The following COL1A2 variants were observed in gnomAD, a reference collection of about 807,000 sequenced individuals.
COL1A2 encodes the protein collagen alpha-2(I) chain.
COL1A2 carries 49 observed loss-of-function variants against 174.3 expected under a neutral mutation model. That is an observed-to-expected ratio of 0.28 (90% CI 0.22 to 0.36). The LOEUF (loss-of-function observed/expected upper bound fraction) is 0.36. Among genes scored for constraint, COL1A2 ranks in the 10% least tolerant of loss-of-function variants. COL1A2 has a pLI of 1.00. For synonymous variants in COL1A2, 655 were observed against 606.6 expected (o/e 1.08, Z -1.17); for missense variants, 1,438 against 1,822.7 (o/e 0.79, Z 3.84).
Position 94,404,908 on chromosome 7 carries a change from T to C in COL1A2, c.432+16T>C, listed in dbSNP as rs1157292605. The C allele has an allele frequency of 6.2e-7, 1 of 1,613,722 alleles. No homozygotes were observed. Among genetic ancestry groups the C allele is most frequent in the South Asian group, 1.1e-5 (1 of 91,074 alleles). Reference sequence around the variant, plus strand: ...TGGTGAAGATGTAAGTATTTACTCTTAAGCACTTTCAAAATGCTATTTAAA... The same window carrying C: ...TGGTGAAGATGTAAGTATTTACTCTCAAGCACTTTCAAAATGCTATTTAAA... On this transcript the variant is annotated intron_variant, in intron 9 of 51. Transcript: ENST00000297268.
chr7:94,421,076 A>G lies in COL1A2; in HGVS notation c.2349+14A>G, dbSNP rs747618970. 1 of 1,613,864 alleles carries G rather than the reference A, an allele frequency of 6.2e-7. No individual in the cohort carries two copies. On this transcript the variant is annotated intron_variant, in intron 38 of 51. Coordinates refer to ENST00000297268, the MANE Select transcript of COL1A2 (RefSeq NM_000089.4). Reference sequence around the variant, plus strand: ...GGAGGCCCCCCTGTGAGTATTTACAATGGACTCTCGCCGCTTTTCTTTTTT... The same window carrying G: ...GGAGGCCCCCCTGTGAGTATTTACAGTGGACTCTCGCCGCTTTTCTTTTTT...
intron 41 of COL1A2, 86 bp from the exon 42 acceptor site, chr7:94,425,031 A>ATC (rs750324092): frequency 1.7e-6 from 2 of 1,147,720 alleles, no homozygotes; most frequent in Non-Finnish European, 2.6e-6. Flanking sequence ...TCAAACTAGA[A>ATC]TCTCCTGAGT....
chr7:94,424,791 A>G (rs1348541239), intron 41 of COL1A2: 1 of 465,638 alleles, frequency 2.1e-6, no homozygotes, highest in Non-Finnish European at 3.9e-6. Context: ...CGTTCCATTA[A>G]ACCTTATACG....
intron 32 of COL1A2, 51 bp from the exon 33 acceptor site, chr7:94,418,447 AT>A: frequency 6.6e-7 from 1 of 1,514,174 alleles, no homozygotes. Flanking sequence ...ATTAATTTCG[AT>A]TCAAAATTTT....
At chr7:94,422,246 C>T (rs962017042) in intron 39 of COL1A2, among the ~76,000 whole-genome samples, 39 of 150,262 alleles carry the variant, frequency 2.6e-4, no homozygotes, top group African/African-American at 9.3e-4. Context: ...TCAGATATTT[C>T]TATATCTAAT....
At chr7:94,414,341 C>T in intron 29 of COL1A2, 66 bp downstream of exon 29, 1 of 1,314,162 alleles carries the variant, frequency 7.6e-7, no homozygotes, top group South Asian at 1.2e-5. Context: ...GTTTAATACC[C>T]CACTGCTATG....
chr7:94,414,349 A>G (rs1791994273), intron 29 of COL1A2, 74 bp downstream of exon 29: 2 of 1,263,400 alleles, frequency 1.6e-6, no homozygotes, highest in African/African-American at 1.5e-5. Flanking sequence ...CCCCACTGCT[A>G]TGCAATTATA....
Position 94,429,533 on chromosome 7 carries a change from A to G in COL1A2, c.3954+103A>G, listed in dbSNP as rs980929237. On this transcript the variant is annotated intron_variant, in intron 51 of 51. Coordinates refer to ENST00000297268, the MANE Select transcript of COL1A2 (RefSeq NM_000089.4). ...GGGTCTAAAGGGGGGTTAAAAGAAC[A>G]GAAGAATGAGAGAACTAACTTATTT... 4.2e-5 allele frequency: 51 copies of G among 1,219,936 alleles called. 1 individual carries two copies. In the Middle Eastern group the frequency reaches 1.8e-3, roughly 42 times the overall value. 75.6% of individuals were successfully genotyped at this position (1,219,936 alleles called of 1,614,324 possible).
At chr7:94,410,629 A>G in intron 21 of COL1A2, 102 bp downstream of exon 21, 2 of 1,058,028 alleles carry the variant, frequency 1.9e-6, no homozygotes, top group Non-Finnish European at 2.9e-6. Context: ...TTCTTAGGCA[A>G]AAAAAGCATC....
intron 6 of COL1A2, 129 bp from the exon 7 acceptor site, chr7:94,404,427 C>G: frequency 1.0e-6 from 1 of 970,768 alleles, no homozygotes; most frequent in South Asian, 1.3e-5. Context: ...TTAAATTCTT[C>G]CTTGGGAGGA....
At chr7:94,405,399 TA>T (rs201315526) in intron 10 of COL1A2, 147 bp downstream of exon 10, 958 of 795,932 alleles carry the variant, frequency 1.2e-3, no homozygotes, top group African/African-American at 6.1e-3. Flanking sequence ...AAAGCCTAGT[TA>T]AAAAAAAATG....
In COL1A2 at chr7:94,410,228, G is replaced by A. The variant is rs114322680; in HGVS notation, c.1036-14G>A. ...ATGTTTGTCCTTTGACCACTGTTCT[G>A]TATTGAACCCTAGGGTGAGCCTGGT... On this transcript the variant is annotated splice_polypyrimidine_tract_variant and intron_variant, in intron 19 of 51. Transcript: ENST00000297268. 1,038 of 1,613,370 alleles carry A rather than the reference G, an allele frequency of 6.4e-4. 3 individuals carry two copies. The African/African-American group carries it at 0.012, about 19-fold the overall frequency.
chr7:94,395,479 C>T, intron 1 of COL1A2: 1 of 349,154 alleles, frequency 2.9e-6, no homozygotes, highest in Non-Finnish European at 5.5e-6. Flanking sequence ...CACTGATGTC[C>T]ACCTTGTAAA....
In COL1A2 at chr7:94,396,039, G is replaced by A. The variant is rs140832403; in HGVS notation, c.70+938G>A. ...GACACCAATTTGCTGCGTGACTTTG[G>A]GCAAGTCAAACGGCCTTTTCTAAAA... On this transcript the variant is annotated intron_variant, in intron 1 of 51. Transcript: ENST00000297268. Among the ~76,000 whole-genome samples the A allele has an allele frequency of 3.4e-3, 521 of 152,140 alleles. 16 individuals carry two copies. The highest frequency in any genetic ancestry group is 0.03 in the Admixed American group (466 of 15,284).
chr7:94,401,183 T>C (rs1289892401), intron 5 of COL1A2, among the ~76,000 whole-genome samples: 2 of 152,010 alleles, frequency 1.3e-5, no homozygotes, highest in Non-Finnish European at 2.9e-5. Flanking sequence ...CAGGTGAAAA[T>C]GTGAAGATGT....
chr7:94,424,248 A>G, intron 40 of COL1A2, 88 bp from the exon 41 acceptor site: 1 of 1,118,448 alleles, frequency 8.9e-7, no homozygotes, highest in Non-Finnish European at 1.4e-6. Flanking sequence ...TTCTAAGCTG[A>G]AGACAGTTTA....
intron 32 of COL1A2, 63 bp downstream of exon 32, chr7:94,417,894 GC>G: frequency 7.2e-7 from 1 of 1,381,110 alleles, no homozygotes; most frequent in Non-Finnish European, 1.0e-6. Context: ...GCACAAGGAT[GC>G]CCAAGTTTTC....
Position 94,408,767 on chromosome 7 carries a change from C to T in COL1A2, c.739-3C>T, listed in dbSNP as rs1313954969. 3.1e-6 allele frequency: 5 copies of T among 1,613,612 alleles called. No individual in the cohort carries two copies. In the African/African-American group the frequency reaches 5.3e-5, roughly 17 times the overall value. On this transcript the variant is annotated splice_region_variant and splice_polypyrimidine_tract_variant and intron_variant, in intron 15 of 51. Coordinates refer to ENST00000297268, the MANE Select transcript of COL1A2 (RefSeq NM_000089.4). ...TTCTTACCACCTTCTGCTTTGATTT[C>T]AGGGTCCCATTGGGTCTGCTGGCCC... is the stretch of plus-strand genomic sequence containing the variant.
At chr7:94,425,025 A>G (rs1226404687) in intron 41 of COL1A2, 92 bp from the exon 42 acceptor site, 2 of 1,093,160 alleles carry the variant, frequency 1.8e-6, no homozygotes, top group Non-Finnish European at 2.8e-6. Flanking sequence ...CTTCCTTCAA[A>G]CTAGAATCTC....
Sources: allele counts gnomAD v4.1 joint callset (sites outside exome capture counted in the v4.1 genomes callset), GRCh38; gene constraint gnomAD v4.1.1; transcripts MANE v1.5; gene names NCBI Gene and HGNC (gene_info 2026-07-23, HGNC 2026-07-21).